Variants in RNF130 observed in about 807,000 individuals in gnomAD.
RNF130 encodes ring finger protein 130.
Under a neutral mutation model 44.6 loss-of-function variants are expected in RNF130, and 21 were observed. That is an observed-to-expected ratio of 0.47 (90% CI 0.33 to 0.68). The LOEUF (loss-of-function observed/expected upper bound fraction) is 0.68. Ranked by LOEUF, RNF130 falls within the 30% of genes least tolerant of loss-of-function variation. The pLI is 0.02. For missense variants in RNF130, 479 were observed against 560.6 expected (o/e 0.85, Z 1.47); for synonymous variants, 214 against 210.4 (o/e 1.02, Z -0.15).
chr5:180,069,532 C>T (rs1765196927), intron 1 of RNF130, among the ~76,000 whole-genome samples: 1 of 152,198 alleles, frequency 6.6e-6, no homozygotes, highest in Admixed American at 6.5e-5. Context: ...AGTCTTCACA[C>T]ACTGCCCAAA....
chr5:179,970,515 T>G lies in RNF130; in HGVS notation c.849-9A>C. On this transcript the variant is annotated splice_polypyrimidine_tract_variant and intron_variant, in intron 5 of 8. Coordinates refer to ENST00000521389, the MANE Select transcript of RNF130 (RefSeq NM_018434.6). ...ATTTGTGGAAAACATGCCTATAAAA[T>G]AATGGAGAATTATGTCACAAGTTAC... 6.3e-7 allele frequency: 1 copy of G among 1,594,426 alleles called. No individual in the cohort carries two copies. Among genetic ancestry groups the G allele is most frequent in the Non-Finnish European group, 8.6e-7 (1 of 1,167,292 alleles).
At chr5:180,015,263 A>G (rs1054361852) in intron 2 of RNF130, 1 of 476,052 alleles carries the variant, frequency 2.1e-6, no homozygotes, top group Non-Finnish European at 4.5e-6. Context: ...CCCTTTAGAA[A>G]TCTCTTAAAA....
chr5:179,935,646 C>G (rs1362750096), intron 7 of RNF130, among the ~76,000 whole-genome samples: 2 of 151,972 alleles, frequency 1.3e-5, no homozygotes, highest in Non-Finnish European at 2.9e-5. Context: ...CTCGCTGGTC[C>G]TATAGTCCTC....
rs140246311 is a variant in RNF130, at chr5:179,966,846, C to T, written c.1110G>A (p.Glu370=). 3.8e-5 allele frequency: 62 copies of T among 1,614,170 alleles called. No individual in the cohort carries two copies. In the African/African-American group the frequency reaches 4.3e-4, roughly 11 times the overall value. The change falls in exon 7 of 9, where the codon GAG becomes GAA. Residue 370 remains glutamate, a synonymous_variant. Transcript: ENST00000521389. ...TGATTTCTCCTGTTCTCGGAGTGAG[C>T]TCCCCATCCTGAGGAAGAGGTGAGA... ...SGISPLPQDG[E]LTPRTGEINI... is the part of the protein sequence containing the mutation.
intron 3 of RNF130, among the ~76,000 whole-genome samples, chr5:180,010,737 G>A (rs1372160283): frequency 6.6e-6 from 1 of 152,206 alleles, no homozygotes; most frequent in Non-Finnish European, 1.5e-5. Context: ...GATTAGGGAA[G>A]GGGGAAGGAG....
At chr5:180,041,951 G>A (rs894225339) in intron 1 of RNF130, among the ~76,000 whole-genome samples, 4 of 152,054 alleles carry the variant, frequency 2.6e-5, no homozygotes, top group East Asian at 1.9e-4. Context: ...ATCTGAATTC[G>A]CAGCTACTGG....
At chr5:179,922,600 C>T (rs573627238) in intron 7 of RNF130, among the ~76,000 whole-genome samples, 9 of 151,900 alleles carry the variant, frequency 5.9e-5, no homozygotes, top group Admixed American at 2.0e-4. Context: ...CAAACCACCA[C>T]GCCCGGCTTG....
chr5:180,045,408 C>G (rs1347367198), intron 1 of RNF130, among the ~76,000 whole-genome samples: 2 of 152,160 alleles, frequency 1.3e-5, no homozygotes, highest in African/African-American at 4.8e-5. Flanking sequence ...AAGAGTGAAG[C>G]TGCAGACCTT....
chr5:180,046,126 G>A (rs748766337), intron 1 of RNF130, among the ~76,000 whole-genome samples: 10 of 152,284 alleles, frequency 6.6e-5, no homozygotes, highest in Non-Finnish European at 7.4e-5. Flanking sequence ...GGTGGACCGC[G>A]GCGCGTGCAG....
chr5:180,065,029 G>T (rs541979015), intron 1 of RNF130, among the ~76,000 whole-genome samples: 1 of 151,888 alleles, frequency 6.6e-6, no homozygotes, highest in African/African-American at 2.4e-5. Flanking sequence ...TTTCTTACTA[G>T]AGAAAAAACA....
chr5:180,003,832 T>C (rs953519468), intron 3 of RNF130, among the ~76,000 whole-genome samples: 2 of 152,194 alleles, frequency 1.3e-5, no homozygotes, highest in African/African-American at 4.8e-5. Context: ...TAAGTCACTG[T>C]TTTTCAAGGT....
chr5:180,042,164 C>G (rs1263676572), intron 1 of RNF130, among the ~76,000 whole-genome samples: 1 of 152,212 alleles, frequency 6.6e-6, no homozygotes, highest in Non-Finnish European at 1.5e-5. Flanking sequence ...TAAATGCTTA[C>G]ACGACTTAAA....
At chr5:179,963,441 C>T in intron 8 of RNF130, 30 bp downstream of exon 8, 1 of 1,541,784 alleles carries the variant, frequency 6.5e-7, no homozygotes, top group South Asian at 1.1e-5. Flanking sequence ...TCATCTGGCA[C>T]ATGCAATCCA....
At chr5:180,048,000 A>G (rs1183909474) in intron 1 of RNF130, among the ~76,000 whole-genome samples, 1 of 63,078 alleles carries the variant, frequency 1.6e-5, no homozygotes, top group Non-Finnish European at 3.4e-5. Flanking sequence ...TCAACAGCAC[A>G]CTTTTTTTTT....
chr5:179,976,754 A>G (rs1283232877), intron 5 of RNF130: 1 of 152,056 alleles, frequency 6.6e-6, no homozygotes, highest in Non-Finnish European at 1.5e-5. Context: ...TGTAAGTAAA[A>G]TAAGACCAGT....
chr5:179,949,849 C>A (rs1232401783), intron 7 of RNF130, among the ~76,000 whole-genome samples: 1 of 152,208 alleles, frequency 6.6e-6, no homozygotes, highest in East Asian at 1.9e-4. Context: ...CACCACCCCT[C>A]CTCAAGGAGC....
At chr5:179,975,031 G>A (rs1191544042) in intron 5 of RNF130, among the ~76,000 whole-genome samples, 1 of 152,246 alleles carries the variant, frequency 6.6e-6, no homozygotes, top group Non-Finnish European at 1.5e-5. Context: ...GTGCTGCTGT[G>A]CCGAATGCGG....
chr5:180,023,837 G>C (rs1466667472), intron 2 of RNF130, among the ~76,000 whole-genome samples: 1 of 152,206 alleles, frequency 6.6e-6, no homozygotes, highest in East Asian at 1.9e-4. Flanking sequence ...ATTAAGTGTG[G>C]GCTGTGCACA....
chr5:180,033,993 G>A (rs1425707699), intron 2 of RNF130, among the ~76,000 whole-genome samples: 1 of 152,120 alleles, frequency 6.6e-6, no homozygotes. Flanking sequence ...TGATCTTAGG[G>A]AGAAAGCAGT....
Sources: gnomAD v4.1 joint callset for allele counts (sites outside exome capture counted in the v4.1 genomes callset) on GRCh38, gnomAD v4.1.1 for gene constraint, MANE v1.5 for transcripts, NCBI Gene and HGNC (gene_info 2026-07-23, HGNC 2026-07-21) for gene names.